Variants in RTF1 observed in about 807,000 individuals in gnomAD.
RTF1 encodes the protein RNA polymerase-associated protein RTF1 homolog.
In RTF1, 10 loss-of-function variants were observed where a neutral mutation model predicts 95.7. The ratio of observed to expected loss-of-function variants is 0.10; its 90% CI spans 0.06 to 0.18. RTF1 has a LOEUF of 0.18. Among genes scored for constraint, RTF1 ranks in the 10% least tolerant of loss-of-function variants. RTF1 has a pLI of 1.00. For synonymous variants in RTF1, 305 were observed against 311.8 expected, an observed-to-expected ratio of 0.98 and a Z score of 0.23; for missense variants, 458 against 875.6, an observed-to-expected ratio of 0.52 and a Z score of 6.02.
intron 2 of RTF1, among the ~76,000 whole-genome samples, chr15:41,444,261 A>T (rs2050749650): frequency 6.6e-6 from 1 of 151,036 alleles, no homozygotes; most frequent in South Asian, 2.1e-4. Context: ...ACAGATTGAG[A>T]CTCTGTCTCA....
At chr15:41,424,997 C>A (rs1177643905) in intron 1 of RTF1, among the ~76,000 whole-genome samples, 1 of 151,320 alleles carries the variant, frequency 6.6e-6, no homozygotes. Flanking sequence ...AGAGAGACTC[C>A]GTCTAAAAAA....
chr15:41,470,645 A>ATTT (rs2050905589), intron 7 of RTF1, among the ~76,000 whole-genome samples: 1 of 89,540 alleles, frequency 1.1e-5, no homozygotes, highest in East Asian at 3.0e-4. Flanking sequence ...GCTTTCATTC[A>ATTT]TTTTCTTTTT....
rs58239721 is a variant in RTF1, at chr15:41,434,144, C to CTT, written c.199-4160_199-4159dup. On this transcript the variant is annotated intron_variant, in intron 1 of 17. Transcript: ENST00000389629. ...ACAGGCGTGAGCCACCACGCCTGGC[C>CTT]TTTTTTTTTTTTTTTTTTAAGTAAA... 1.6e-3 allele frequency among the ~76,000 whole-genome samples: 218 copies of CTT among 136,214 alleles called. 4 individuals are homozygous for CTT. The highest frequency in any genetic ancestry group is 7.7e-3 in the Middle Eastern group (2 of 260). 89.4% of individuals were successfully genotyped at this position (136,214 alleles called of 152,430 possible).
At chr15:41,459,790 T>C (rs949734425) in intron 4 of RTF1, among the ~76,000 whole-genome samples, 3 of 152,218 alleles carry the variant, frequency 2.0e-5, no homozygotes, top group Non-Finnish European at 4.4e-5. Flanking sequence ...TAGAAGCTGC[T>C]TCAATGTTTT....
chr15:41,446,320 C>T (rs1237714680), intron 2 of RTF1, among the ~76,000 whole-genome samples: 1 of 152,052 alleles, frequency 6.6e-6, no homozygotes, highest in Non-Finnish European at 1.5e-5. Flanking sequence ...CCTGTAATCC[C>T]AACACTTTGG....
intron 1 of RTF1, among the ~76,000 whole-genome samples, chr15:41,430,709 C>G (rs2050665185): frequency 6.6e-6 from 1 of 151,886 alleles, no homozygotes; most frequent in South Asian, 2.1e-4. Flanking sequence ...CCACTGCACT[C>G]TTGTCTAGGC....
At position 41,457,661 on chromosome 15, in the gene RTF1, C is replaced by T; in HGVS notation, c.458-11C>T. 1 of 1,613,798 alleles carries T rather than the reference C, an allele frequency of 6.2e-7. No homozygotes were observed. The highest frequency in any genetic ancestry group is 8.5e-7 in the Non-Finnish European group (1 of 1,179,734). ...GCATAGTGTAATCTTGTGTTTGGGCCTTTGTTGCAGGTGAAGTGTCAGACT... is the reference window on the plus strand; with the variant it reads ...GCATAGTGTAATCTTGTGTTTGGGCTTTTGTTGCAGGTGAAGTGTCAGACT... On this transcript the variant is annotated splice_polypyrimidine_tract_variant and intron_variant, in intron 3 of 17. Transcript: ENST00000389629.
intron 1 of RTF1, among the ~76,000 whole-genome samples, chr15:41,432,342 C>T (rs1209486535): frequency 2.7e-5 from 4 of 149,996 alleles, no homozygotes; most frequent in South Asian, 2.1e-4. Context: ...GGACTACAGG[C>T]GCTCGCCACC....
At chr15:41,449,096 G>T (rs1485013904) in intron 2 of RTF1, among the ~76,000 whole-genome samples, 2 of 151,928 alleles carry the variant, frequency 1.3e-5, no homozygotes, top group African/African-American at 4.8e-5. Flanking sequence ...TGTTGCCCAG[G>T]CTAGTCTTGA....
At chr15:41,443,849 C>T (rs906798042) in intron 2 of RTF1, among the ~76,000 whole-genome samples, 2 of 152,112 alleles carry the variant, frequency 1.3e-5, no homozygotes, top group Admixed American at 1.3e-4. Flanking sequence ...AGGCAGATTA[C>T]AAGGTCTGGA....
chr15:41,457,898 TCC>T (rs11313160), intron 4 of RTF1, 22 bp downstream of exon 4: 71 of 1,505,954 alleles, frequency 4.7e-5, no homozygotes, highest in Non-Finnish European at 5.9e-5. Flanking sequence ...CTCGTCGTTG[TCC>T]CCCCCCCGCC....
chr15:41,418,508 C>T (rs142139747), intron 1 of RTF1, among the ~76,000 whole-genome samples: 3 of 151,888 alleles, frequency 2.0e-5, no homozygotes, highest in African/African-American at 4.8e-5. Flanking sequence ...TTATATGAAG[C>T]CAGAGGTCTC....
chr15:41,480,335 G>A lies in RTF1; in HGVS notation c.2026+10G>A, dbSNP rs2050965607. ...CAAGTTCCCAGCTCAGGTATGTGAGGGTGGGGCGGGTGGTGAGGGCTGAGA... is the reference window on the plus strand; with the variant it reads ...CAAGTTCCCAGCTCAGGTATGTGAGAGTGGGGCGGGTGGTGAGGGCTGAGA... On this transcript the variant is annotated intron_variant, in intron 17 of 17. Transcript: ENST00000389629. The A allele has an allele frequency of 6.4e-7, 1 of 1,564,630 alleles. No homozygotes were observed. The highest frequency in any genetic ancestry group is 1.1e-5 in the South Asian group (1 of 90,122).
rs535870983 is a variant in RTF1, at chr15:41,428,257, C to CTT, written c.199-10037_199-10036dup. 6.3e-3 allele frequency among the ~76,000 whole-genome samples: 602 copies of CTT among 95,948 alleles called. 97 individuals carry two copies. Among genetic ancestry groups the CTT allele is most frequent in the African/African-American group, 0.013 (257 of 20,130 alleles). The allele number at this position is 95,948 out of a possible 152,430, so 62.9% of individuals were successfully genotyped here. ...CCCCTCTACTGCAATACTGATATCC[C>CTT]TTTTTTTTTTTTTTTTTTTTTTTTT... On this transcript the variant is annotated intron_variant, in intron 1 of 17. Transcript: ENST00000389629.
At chr15:41,477,687 A>G (rs1190247796) in intron 14 of RTF1, 172 bp downstream of exon 14, 2 of 641,600 alleles carry the variant, frequency 3.1e-6, no homozygotes, top group East Asian at 5.6e-5. Flanking sequence ...CATAATGAAA[A>G]GCAGCAGTCT....
chr15:41,427,367 G>A (rs1212699209), intron 1 of RTF1, among the ~76,000 whole-genome samples: 2 of 151,478 alleles, frequency 1.3e-5, no homozygotes, highest in African/African-American at 4.9e-5. Flanking sequence ...TAGCCAGGAT[G>A]GTCTGGATCT....
At chr15:41,459,411 G>A (rs2050836231) in intron 4 of RTF1, among the ~76,000 whole-genome samples, 1 of 152,136 alleles carries the variant, frequency 6.6e-6, no homozygotes, top group Non-Finnish European at 1.5e-5. Context: ...GATTGTTTTT[G>A]TCTTGATAAA....
At chr15:41,418,784 CAAA>C (rs753790136) in intron 1 of RTF1, among the ~76,000 whole-genome samples, 3 of 52,848 alleles carry the variant, frequency 5.7e-5, no homozygotes, top group African/African-American at 6.3e-5. Context: ...AACTCCATCA[CAAA>C]AAAAAAAAAA....
At chr15:41,476,405 C>T in intron 11 of RTF1, 41 bp from the exon 12 acceptor site, 5 of 1,564,108 alleles carry the variant, frequency 3.2e-6, no homozygotes, top group Non-Finnish European at 4.4e-6. Flanking sequence ...ACAAAAATAG[C>T]TTAGGAATAC....
Sources: gnomAD v4.1 joint callset for allele counts (sites outside exome capture counted in the v4.1 genomes callset) on GRCh38, gnomAD v4.1.1 for gene constraint, MANE v1.5 for transcripts, NCBI Gene and HGNC (gene_info 2026-07-23, HGNC 2026-07-21) for gene names.